ALDH1L1: variants seen among roughly 807,000 people sequenced by gnomAD.
ALDH1L1 encodes cytosolic 10-formyltetrahydrofolate dehydrogenase.
A neutral mutation model predicts 101.1 loss-of-function variants in ALDH1L1; 68 were observed. That is an observed-to-expected ratio of 0.67 (90% CI 0.55 to 0.82). The LOEUF (loss-of-function observed/expected upper bound fraction) is 0.82. ALDH1L1 is among the 40% of genes least tolerant of loss of function. The pLI is 0.00. For missense variants in ALDH1L1, 1,087 were observed against 1,172.7 expected, an observed-to-expected ratio of 0.93 and a Z score of 1.07; for synonymous variants, 486 against 470.8, an observed-to-expected ratio of 1.03 and a Z score of -0.42.
At chr3:126,126,304 C>T (rs1359104000) in intron 14 of ALDH1L1, among the ~76,000 whole-genome samples, 1 of 152,184 alleles carries the variant, frequency 6.6e-6, no homozygotes, top group African/African-American at 2.4e-5. Context: ...GGGGAGGCCG[C>T]AGAGTCCCAG....
At chr3:126,125,537 T>C in intron 15 of ALDH1L1, 79 bp downstream of exon 15, 4 of 1,174,760 alleles carry the variant, frequency 3.4e-6, no homozygotes, top group Non-Finnish European at 4.5e-6. Context: ...AGAGAGGCCC[T>C]TCCCTTCCTC....
chr3:126,127,849 T>C (rs2108227554), intron 14 of ALDH1L1, among the ~76,000 whole-genome samples: 1 of 152,350 alleles, frequency 6.6e-6, no homozygotes, highest in Non-Finnish European at 1.5e-5. Flanking sequence ...GCTGGGATGA[T>C]GACAGGCATG....
intron 14 of ALDH1L1, among the ~76,000 whole-genome samples, chr3:126,127,515 C>T (rs1304448992): frequency 1.3e-5 from 2 of 152,136 alleles, no homozygotes; most frequent in Admixed American, 6.5e-5. Context: ...TTCTCTCTCT[C>T]GGGAGCATGG....
intron 3 of ALDH1L1, among the ~76,000 whole-genome samples, chr3:126,157,908 T>C (rs1011674370): frequency 6.6e-6 from 1 of 152,204 alleles, no homozygotes; most frequent in African/African-American, 2.4e-5. Flanking sequence ...CCATCTGCCT[T>C]GTCACCCCAT....
chr3:126,117,977 C>G (rs773944520), intron 17 of ALDH1L1, 28 bp downstream of exon 17: 1 of 1,595,120 alleles, frequency 6.3e-7, no homozygotes, highest in Non-Finnish European at 8.6e-7. Flanking sequence ...ACAGCAGCCC[C>G]TCCTCTGCTC....
intron 1 of ALDH1L1, among the ~76,000 whole-genome samples, chr3:126,178,389 A>T (rs571652490): frequency 2.3e-5 from 3 of 131,368 alleles, no homozygotes; most frequent in Non-Finnish European, 4.7e-5. Flanking sequence ...TCAAAAAAAA[A>T]AAAAAAGAAA....
intron 11 of ALDH1L1, among the ~76,000 whole-genome samples, chr3:126,136,020 T>A (rs1444336758): frequency 6.6e-6 from 1 of 152,176 alleles, no homozygotes; most frequent in Non-Finnish European, 1.5e-5. Context: ...GCCTCCTGTC[T>A]GCCGCCACAA....
chr3:126,125,544 C>T, intron 15 of ALDH1L1, 72 bp downstream of exon 15: 1 of 1,229,032 alleles, frequency 8.1e-7, no homozygotes. Flanking sequence ...CCCTTCCCTT[C>T]CTCCCTTATA....
Position 126,158,652 on chromosome 3 carries a change from G to C in ALDH1L1, c.128-13C>G. The stretch of plus-strand genomic sequence containing the variant: ...TCAGCTTCCAGACCTGTGGGACGGT[G>C]GATAAGAAACTGGCCCCTCTCCATA... On this transcript the variant is annotated splice_polypyrimidine_tract_variant and intron_variant, in intron 2 of 22. Transcript: ENST00000393434. 1 of 1,605,196 alleles carries C rather than the reference G, an allele frequency of 6.2e-7. No homozygotes were observed. Among genetic ancestry groups the C allele is most frequent in the Non-Finnish European group, 8.5e-7 (1 of 1,172,598 alleles).
chr3:126,169,434 T>C (rs2081230472), intron 1 of ALDH1L1, among the ~76,000 whole-genome samples: 1 of 152,208 alleles, frequency 6.6e-6, no homozygotes, highest in Non-Finnish European at 1.5e-5. Context: ...AAACTGGTTA[T>C]TTTCCCAAGG....
chr3:126,137,873 G>A lies in ALDH1L1; in HGVS notation c.1164C>T (p.Ile388=). 6.2e-7 allele frequency: 1 copy of A among 1,614,204 alleles called. No homozygotes were observed. The highest frequency in any genetic ancestry group is 8.5e-7 in the Non-Finnish European group (1 of 1,180,032). The part of the protein sequence containing the change: ...VYMASTFGDF[I]QLLVRKLRGD... Reference sequence around the variant, plus strand: ...CTCGCAGCTTCCTCACTAACAGCTGGATGAAGTCCCCAAAGGTGGATGCCA... The same window carrying A: ...CTCGCAGCTTCCTCACTAACAGCTGAATGAAGTCCCCAAAGGTGGATGCCA... Residue 388 remains isoleucine, a synonymous_variant, in exon 10 of 23, where the codon ATC becomes ATT. Coordinates refer to ENST00000393434, the MANE Select transcript of ALDH1L1 (RefSeq NM_012190.4).
Position 126,135,583 on chromosome 3 carries a change from C to T in ALDH1L1, c.1424G>A (p.Gly475Glu). 6.2e-7 allele frequency: 1 copy of T among 1,601,804 alleles called. No individual in the cohort carries two copies. Among genetic ancestry groups the T allele is most frequent in the Non-Finnish European group, 8.5e-7 (1 of 1,174,594 alleles). ...VAAAKDAFENGRWGKISARDR... is the reference protein window; with the variant it reads ...VAAAKDAFENERWGKISARDR... ...CCGCGCACTGATCTTCCCCCACCGT[C>T]CATTCTCAAAGGCATCCTTGGCTGC... The change falls in exon 12 of 23, where the codon GGA (glycine) becomes GAA (glutamate). Residue 475 changes from glycine (G) to glutamate (E), a missense_variant. By Grantham distance (98) the Gly-to-Glu change is moderately conservative (BLOSUM62 -2). Around this residue, in one of 2 missense-constraint regions of ALDH1L1, gnomAD observed 645 missense variants for 637.0 expected, o/e 1.01. Transcript: ENST00000393434.
intron 1 of ALDH1L1, 69 bp downstream of exon 1, chr3:126,180,407 C>A: frequency 1.0e-6 from 1 of 982,298 alleles, no homozygotes; most frequent in South Asian, 4.7e-5. Flanking sequence ...CCCGGAGCCC[C>A]CGGAGCTGCA....
chr3:126,139,415 C>T lies in ALDH1L1; in HGVS notation c.1077-1455G>A, dbSNP rs181434107. Among the ~76,000 whole-genome samples the T allele has an allele frequency of 2.5e-3, 379 of 152,278 alleles. 3 individuals are homozygous for T. Among genetic ancestry groups the T allele is most frequent in the African/African-American group, 8.9e-3 (369 of 41,552 alleles). ...CCCTCAACAAGGAAGATTCAATAAT[C>T]CCTAATAAGTGGGAGAAATATATTT... On this transcript the variant is annotated intron_variant, in intron 9 of 22. Coordinates refer to ENST00000393434, the MANE Select transcript of ALDH1L1 (RefSeq NM_012190.4).
intron 19 of ALDH1L1, 128 bp downstream of exon 19, chr3:126,112,654 G>C (rs1946115619): frequency 4.9e-6 from 4 of 822,492 alleles, no homozygotes; most frequent in East Asian, 2.5e-5. Context: ...TGACCCCCGG[G>C]GGGAGTGTCC....
intron 18 of ALDH1L1, 100 bp from the exon 19 acceptor site, chr3:126,112,980 G>A: frequency 9.8e-7 from 1 of 1,021,640 alleles, no homozygotes; most frequent in African/African-American, 1.6e-5. Flanking sequence ...AGGAAAGGAG[G>A]CACCCATGTG....
At chr3:126,140,487 C>T (rs982213583) in intron 9 of ALDH1L1, among the ~76,000 whole-genome samples, 5 of 152,092 alleles carry the variant, frequency 3.3e-5, no homozygotes, top group Admixed American at 6.5e-5. Context: ...AAGGCCACTA[C>T]ATAGGTAAGT....
intron 16 of ALDH1L1, 33 bp from the exon 17 acceptor site, chr3:126,118,131 GT>G (rs1469676414): frequency 6.4e-7 from 1 of 1,565,652 alleles, no homozygotes; most frequent in Non-Finnish European, 8.8e-7. Context: ...AATCAGAGTG[GT>G]CCCCCTGGTG....
chr3:126,172,718 T>A (rs964183937), intron 1 of ALDH1L1, among the ~76,000 whole-genome samples: 14 of 151,842 alleles, frequency 9.2e-5, no homozygotes, highest in Non-Finnish European at 2.1e-4. Context: ...CAAACCAAGA[T>A]CCAAGCAGCT....
Sources: allele counts gnomAD v4.1 joint callset (sites outside exome capture counted in the v4.1 genomes callset), GRCh38; gene constraint gnomAD v4.1.1; regional missense constraint gnomAD v4.1.1; transcripts MANE v1.5; gene names NCBI Gene and HGNC (gene_info 2026-07-23, HGNC 2026-07-21).